The following IPCEF1 variants were observed in gnomAD, a reference collection of about 807,000 sequenced individuals.
IPCEF1 encodes the protein interactor protein for cytohesin exchange factors 1.
IPCEF1 carries 31 observed loss-of-function variants against 50.9 expected under a neutral mutation model. The ratio of observed to expected loss-of-function variants is 0.61; its 90% CI spans 0.46 to 0.82. The LOEUF (loss-of-function observed/expected upper bound fraction) is 0.82. Among genes scored for constraint, IPCEF1 ranks in the 40% least tolerant of loss-of-function variants. IPCEF1 has a pLI of 0.00. For missense variants in IPCEF1, 458 were observed against 514.0 expected (o/e 0.89, Z 1.05); for synonymous variants, 181 against 192.0 (o/e 0.94, Z 0.47).
intron 1 of IPCEF1, among the ~76,000 whole-genome samples, chr6:154,292,912 T>TAC (rs1782548745): frequency 6.6e-6 from 1 of 152,248 alleles, no homozygotes; most frequent in Non-Finnish European, 1.5e-5. Flanking sequence ...ACTAATGATA[T>TAC]ACCAGCTCTT....
intron 3 of IPCEF1, among the ~76,000 whole-genome samples, chr6:154,252,688 A>C (rs1781366856): frequency 6.6e-6 from 1 of 152,208 alleles, no homozygotes; most frequent in Admixed American, 6.5e-5. Context: ...AAACAAAAAA[A>C]AAGAAAAGAA....
At chr6:154,230,533 C>T (rs1300446519) in intron 5 of IPCEF1, among the ~76,000 whole-genome samples, 1 of 152,110 alleles carries the variant, frequency 6.6e-6, no homozygotes, top group East Asian at 1.9e-4. Flanking sequence ...TTCTTAGGTA[C>T]CTACACATGT....
chr6:154,201,022 T>C (rs1777024679), intron 9 of IPCEF1, among the ~76,000 whole-genome samples: 1 of 152,118 alleles, frequency 6.6e-6, no homozygotes, highest in African/African-American at 2.4e-5. Context: ...TCTCATGAGA[T>C]CTGATAGTTT....
At chr6:154,165,290 T>A (rs1014709601) in intron 11 of IPCEF1, among the ~76,000 whole-genome samples, 1 of 152,142 alleles carries the variant, frequency 6.6e-6, no homozygotes, top group Non-Finnish European at 1.5e-5. Context: ...ACATCCCCTC[T>A]CAGTCCCATC....
chr6:154,347,407 A>G (rs996579561), intron 1 of IPCEF1, among the ~76,000 whole-genome samples: 1 of 152,174 alleles, frequency 6.6e-6, no homozygotes, highest in Non-Finnish European at 1.5e-5. Context: ...CATCAGAGAA[A>G]GGGAACTAGT....
chr6:154,212,726 CAT>C (rs1562544430), intron 9 of IPCEF1, 42 bp downstream of exon 9: 1 of 1,281,890 alleles, frequency 7.8e-7, no homozygotes, highest in Non-Finnish European at 1.1e-6. Context: ...ATGACATCCA[CAT>C]GTCTGATCGA....
At chr6:154,233,631 T>C (rs1157576738) in intron 5 of IPCEF1, among the ~76,000 whole-genome samples, 4 of 152,116 alleles carry the variant, frequency 2.6e-5, no homozygotes, top group Non-Finnish European at 5.9e-5. Context: ...AAAGAATTGA[T>C]TACGCTAATG....
chr6:154,353,771 C>G (rs1784157491), intron 1 of IPCEF1, among the ~76,000 whole-genome samples: 1 of 152,196 alleles, frequency 6.6e-6, no homozygotes, highest in Non-Finnish European at 1.5e-5. Flanking sequence ...TCTTGCTTCT[C>G]TGCAGTATTT....
At chr6:154,278,219 A>G (rs1007090268) in intron 2 of IPCEF1, among the ~76,000 whole-genome samples, 21 of 152,072 alleles carry the variant, frequency 1.4e-4, no homozygotes, top group African/African-American at 5.1e-4. Flanking sequence ...TTTAATTGCA[A>G]TTTCTATGAC....
At chr6:154,320,743 G>C (rs1044388370) in intron 1 of IPCEF1, among the ~76,000 whole-genome samples, 1 of 152,056 alleles carries the variant, frequency 6.6e-6, no homozygotes, top group Non-Finnish European at 1.5e-5. Context: ...ACTGTGGTAC[G>C]AGCCTGTGAT....
At chr6:154,167,809 C>T in intron 11 of IPCEF1, 111 bp downstream of exon 11, 1 of 757,796 alleles carries the variant, frequency 1.3e-6, no homozygotes, top group African/African-American at 1.7e-5. Context: ...CTTTTACAGC[C>T]CTTCCCTGCA....
intron 1 of IPCEF1, among the ~76,000 whole-genome samples, chr6:154,344,709 T>C (rs1179250944): frequency 6.6e-6 from 1 of 152,164 alleles, no homozygotes; most frequent in African/African-American, 2.4e-5. Context: ...TTCATGGTCA[T>C]CCCTCTCTTC....
rs1798646489 is a variant in IPCEF1 at position 154,154,794 on chromosome 6, T to C, written c.*5034A>G. On this transcript the variant is annotated 3_prime_UTR_variant, in exon 12 of 12. Transcript: ENST00000367220. ...AAGCAGGAGAGAAATGAGCCATGCC[T>C]CTTTTTCAGTTTAGAGGGGTAGCTG... 1 of 152,576 alleles carries C rather than the reference T, an allele frequency of 6.6e-6. No individual in the cohort carries two copies. The highest frequency in any genetic ancestry group is 2.4e-5 in the African/African-American group (1 of 41,404). The allele number at this position is 152,576 out of a possible 1,614,324, so 9.5% of individuals were successfully genotyped here.
rs71021035 is a variant in IPCEF1, at chr6:154,266,585, T to TATATAC, written c.-17-622_-17-621insGTATAT. 7.0e-3 allele frequency among the ~76,000 whole-genome samples: 949 copies of TATATAC among 135,650 alleles called. 4 individuals carry two copies. The highest frequency in any genetic ancestry group is 0.018 in the African/African-American group (668 of 37,396). 89.0% of individuals were successfully genotyped at this position (135,650 alleles called of 152,430 possible). ...CTATATATATATATATATATATATA[T>TATATAC]ACACACAAACACACACACACATTTT... is the stretch of plus-strand genomic sequence containing the variant. On this transcript the variant is annotated intron_variant, in intron 2 of 11. Coordinates refer to ENST00000367220, the MANE Select transcript of IPCEF1 (RefSeq NM_001130700.2).
At chr6:154,294,609 C>T (rs1016919329) in intron 1 of IPCEF1, among the ~76,000 whole-genome samples, 1 of 152,148 alleles carries the variant, frequency 6.6e-6, no homozygotes. Context: ...TCTGGCTTCC[C>T]CTGTTCTGGG....
intron 3 of IPCEF1, among the ~76,000 whole-genome samples, chr6:154,255,270 G>T (rs1781434291): frequency 6.6e-6 from 1 of 152,082 alleles, no homozygotes; most frequent in Non-Finnish European, 1.5e-5. Flanking sequence ...CAGTCTCTGT[G>T]TGTATTGTAA....
intron 1 of IPCEF1, among the ~76,000 whole-genome samples, chr6:154,320,431 C>T (rs1274444387): frequency 1.3e-5 from 2 of 152,126 alleles, no homozygotes; most frequent in Admixed American, 6.6e-5. Context: ...TGGCCTCAAC[C>T]GCCCTGAGGA....
At chr6:154,262,395 T>G (rs1294604054) in intron 3 of IPCEF1, among the ~76,000 whole-genome samples, 1 of 152,222 alleles carries the variant, frequency 6.6e-6, no homozygotes, top group African/African-American at 2.4e-5. Context: ...TACCCAGGGT[T>G]ATACTTGTAG....
intron 10 of IPCEF1, among the ~76,000 whole-genome samples, chr6:154,178,559 G>A (rs1303284861): frequency 6.6e-6 from 1 of 152,048 alleles, no homozygotes. Context: ...CTGTGTATAT[G>A]TAAATACAAC....
Sources: gnomAD v4.1 joint callset for allele counts (sites outside exome capture counted in the v4.1 genomes callset) on GRCh38, gnomAD v4.1.1 for gene constraint, MANE v1.5 for transcripts, NCBI Gene and HGNC (gene_info 2026-07-23, HGNC 2026-07-21) for gene names.